Variants in EXOC4 observed in about 807,000 individuals in gnomAD.
EXOC4 encodes SEC8-like 1.
EXOC4 carries 71 observed loss-of-function variants against 107.2 expected under a neutral mutation model. The ratio of observed to expected loss-of-function variants is 0.66; its 90% CI spans 0.55 to 0.81. EXOC4 has a LOEUF of 0.81. EXOC4 is among the 30% of genes least tolerant of loss of function. The pLI, the probability that EXOC4 is intolerant of heterozygous loss-of-function variation, is 0.00. For synonymous variants in EXOC4, 456 were observed against 441.2 expected (o/e 1.03, Z -0.42); for missense variants, 1,108 against 1,189.6 (o/e 0.93, Z 1.01).
intron 10 of EXOC4, among the ~76,000 whole-genome samples, chr7:133,694,175 T>C (rs1585083618): frequency 6.7e-6 from 1 of 150,212 alleles, no homozygotes; most frequent in African/African-American, 2.5e-5. Context: ...GCAGGAGAAT[T>C]GCTTGAACCC....
chr7:134,013,096 G>A (rs1395884867), intron 17 of EXOC4, among the ~76,000 whole-genome samples: 1 of 152,190 alleles, frequency 6.6e-6, no homozygotes, highest in African/African-American at 2.4e-5. Flanking sequence ...CACTCCTCAA[G>A]TCTACGGTAG....
intron 7 of EXOC4, among the ~76,000 whole-genome samples, chr7:133,405,688 A>G (rs989554063): frequency 2.6e-5 from 4 of 152,158 alleles, no homozygotes; most frequent in South Asian, 2.1e-4. Context: ...ATTTTTTCCT[A>G]TACATAACTA....
intron 9 of EXOC4, among the ~76,000 whole-genome samples, chr7:133,613,840 A>G (rs1479903663): frequency 6.6e-6 from 1 of 152,188 alleles, no homozygotes; most frequent in East Asian, 1.9e-4. Flanking sequence ...TAGGACTACT[A>G]TAAGAAAGGC....
At chr7:133,516,722 G>T (rs1277566200) in intron 9 of EXOC4, among the ~76,000 whole-genome samples, 3 of 115,400 alleles carry the variant, frequency 2.6e-5, no homozygotes, top group African/African-American at 9.6e-5. Context: ...GTCATTCGGG[G>T]TTTATTCTTT....
intron 10 of EXOC4, among the ~76,000 whole-genome samples, chr7:133,800,522 C>CT (rs1010897086): frequency 1.3e-5 from 2 of 152,052 alleles, no homozygotes; most frequent in African/African-American, 4.8e-5. Context: ...AATAACATTC[C>CT]TTTTTTTGTC....
At chr7:133,540,479 TA>T (rs1164838775) in intron 9 of EXOC4, among the ~76,000 whole-genome samples, 1 of 152,212 alleles carries the variant, frequency 6.6e-6, no homozygotes, top group Non-Finnish European at 1.5e-5. Flanking sequence ...AAAAGAACAC[TA>T]ATAAGTTTTC....
At chr7:133,549,659 T>C (rs755729675) in intron 9 of EXOC4, among the ~76,000 whole-genome samples, 2 of 152,172 alleles carry the variant, frequency 1.3e-5, no homozygotes, top group Non-Finnish European at 2.9e-5. Flanking sequence ...ATGGCACCTA[T>C]AAACGTTCTG....
intron 10 of EXOC4, among the ~76,000 whole-genome samples, chr7:133,761,487 ATTTAGAACTGGAAAGAGAC>A (rs1796031543): frequency 6.6e-6 from 1 of 152,166 alleles, no homozygotes; most frequent in African/African-American, 2.4e-5. Flanking sequence ...TCATCATGGA[ATTTAGAACTGGAAAGAGAC>A]TTTAGAACTC....
At chr7:133,957,079 T>C (rs1313235116) in intron 14 of EXOC4, among the ~76,000 whole-genome samples, 1 of 152,124 alleles carries the variant, frequency 6.6e-6, no homozygotes, top group Non-Finnish European at 1.5e-5. Flanking sequence ...ATTCTCAAAA[T>C]GATCGTTATA....
At chr7:133,526,546 G>T (rs180857570) in intron 9 of EXOC4, among the ~76,000 whole-genome samples, 1 of 152,288 alleles carries the variant, frequency 6.6e-6, no homozygotes, top group East Asian at 1.9e-4. Flanking sequence ...GTGACTTTCT[G>T]AAGCCAGTGA....
At chr7:133,621,817 A>G (rs1802336447) in intron 9 of EXOC4, among the ~76,000 whole-genome samples, 1 of 152,148 alleles carries the variant, frequency 6.6e-6, no homozygotes, top group African/African-American at 2.4e-5. Context: ...TTTGAAGGGG[A>G]CATTCAAACC....
At chr7:133,412,133 G>T (rs1475593236) in intron 7 of EXOC4, among the ~76,000 whole-genome samples, 1 of 151,990 alleles carries the variant, frequency 6.6e-6, no homozygotes, top group Non-Finnish European at 1.5e-5. Flanking sequence ...TTGTTATAAG[G>T]TGTGTTGCTT....
At chr7:133,931,986 G>T (rs12707130) in intron 13 of EXOC4, among the ~76,000 whole-genome samples, 64,687 of 152,072 alleles carry the variant, frequency 0.43, 14,296 homozygotes, top group South Asian at 0.61. Context: ...TAAGAACACA[G>T]CACATAAACC....
chr7:133,461,527 G>A (rs1032451453), intron 7 of EXOC4, among the ~76,000 whole-genome samples: 2 of 152,168 alleles, frequency 1.3e-5, no homozygotes, highest in Admixed American at 1.3e-4. Context: ...TAACTGAACT[G>A]CTAATTGAAA....
At chr7:133,763,350 C>T (rs564824125) in intron 10 of EXOC4, among the ~76,000 whole-genome samples, 1 of 152,208 alleles carries the variant, frequency 6.6e-6, no homozygotes, top group African/African-American at 2.4e-5. Context: ...ATCCCTTTCA[C>T]CTAGCACAGT....
intron 9 of EXOC4, among the ~76,000 whole-genome samples, chr7:133,591,947 T>C (rs891024028): frequency 3.3e-5 from 5 of 152,178 alleles, no homozygotes; most frequent in African/African-American, 1.2e-4. Flanking sequence ...AGTTTTTGAA[T>C]TTTTTTCCAC....
At chr7:133,446,466 T>A (rs1483641995) in intron 7 of EXOC4, among the ~76,000 whole-genome samples, 3 of 152,216 alleles carry the variant, frequency 2.0e-5, no homozygotes, top group African/African-American at 7.2e-5. Flanking sequence ...TCTAGTTTGC[T>A]CACTGTTAGC....
rs144185580 is a variant in EXOC4 at position 133,277,740 on chromosome 7, T to C, written c.276+2569T>C. On this transcript the variant is annotated intron_variant, in intron 2 of 17. Coordinates refer to ENST00000253861, the MANE Select transcript of EXOC4 (RefSeq NM_021807.4). ...GGTCAGAGCTCTTTTCAAAAGAGCC[T>C]TTAATAATTGATTAATGGGAAAATA... Among the ~76,000 whole-genome samples, 578 of 152,314 alleles carry C rather than the reference T, an allele frequency of 3.8e-3. 5 individuals are homozygous for C. The highest frequency in any genetic ancestry group is 0.013 in the African/African-American group (541 of 41,578).
chr7:133,737,909 C>CTTTTTTT lies in EXOC4; in HGVS notation c.1515-79402_1515-79396dup, dbSNP rs10673346. Among the ~76,000 whole-genome samples the CTTTTTTT allele has an allele frequency of 4.2e-3, 373 of 89,290 alleles. 7 individuals are homozygous for CTTTTTTT. The highest frequency in any genetic ancestry group is 6.9e-3 in the East Asian group (17 of 2,448). The allele number at this position is 89,290 out of a possible 152,430, so 58.6% of individuals were successfully genotyped here. A position where few individuals can be genotyped will look rare whatever the true frequency, so the allele number is the denominator to read the frequency against. On this transcript the variant is annotated intron_variant, in intron 10 of 17. Transcript: ENST00000253861. Reference sequence around the variant, plus strand: ...TTTTTGTGCCTCTTGATTTTTCTTTCTTTTTTTTTTTTTTTTTTTTGAGAC... The same window carrying CTTTTTTT: ...TTTTTGTGCCTCTTGATTTTTCTTTCTTTTTTTTTTTTTTTTTTTTTTTTTTTGAGAC...
Sources: allele counts gnomAD v4.1 joint callset (sites outside exome capture counted in the v4.1 genomes callset), GRCh38; gene constraint gnomAD v4.1.1; transcripts MANE v1.5; gene names NCBI Gene and HGNC (gene_info 2026-07-23, HGNC 2026-07-21).